EPCIP: variants seen among roughly 807,000 people sequenced by gnomAD.
The protein encoded by EPCIP is exosomal polycystin-1-interacting protein.
chr21:32,793,944 C>T, the EPCIP span: 1 of 1,614,218 alleles, frequency 6.2e-7, no homozygotes, highest in Non-Finnish European at 8.5e-7. Flanking sequence ...GGCTGCCAGC[C>T]TTTGTGTAAC....
chr21:32,799,328 T>C, the EPCIP span, among the ~76,000 whole-genome samples: 1 of 152,162 alleles, frequency 6.6e-6, no homozygotes, highest in Admixed American at 6.5e-5. Context: ...GTGGGATATA[T>C]TCAGATTTTC....
At chr21:32,793,009 G>A in the EPCIP span, among the ~76,000 whole-genome samples, 1 of 151,728 alleles carries the variant, frequency 6.6e-6, no homozygotes, top group African/African-American at 2.4e-5. Context: ...CTGGAGTGTA[G>A]AGTGCAGTGG....
At chr21:32,809,124 T>A in the EPCIP span, among the ~76,000 whole-genome samples, 1 of 150,082 alleles carries the variant, frequency 6.7e-6, no homozygotes, top group African/African-American at 2.5e-5. Context: ...GGGAAGTGGA[T>A]CAAAACTGGG....
At chr21:32,811,036 AT>A in the EPCIP span, among the ~76,000 whole-genome samples, 2 of 152,192 alleles carry the variant, frequency 1.3e-5, no homozygotes, top group Admixed American at 1.3e-4. Context: ...GTAAGATCTA[AT>A]GAGTGTTTCT....
At chr21:32,805,206 G>A in the EPCIP span, among the ~76,000 whole-genome samples, 5 of 152,300 alleles carry the variant, frequency 3.3e-5, no homozygotes, top group South Asian at 1.0e-3. Context: ...AGCTGAAAGA[G>A]GCAAGGAACA....
chr21:32,792,923 T>A, the EPCIP span, among the ~76,000 whole-genome samples: 5 of 151,868 alleles, frequency 3.3e-5, no homozygotes, highest in East Asian at 3.9e-4. Flanking sequence ...TTATTTTTTT[T>A]TTTTTTGAGA....
chr21:32,802,196 A>G, the EPCIP span, among the ~76,000 whole-genome samples: 3 of 152,226 alleles, frequency 2.0e-5, no homozygotes, highest in African/African-American at 4.8e-5. Flanking sequence ...ACCCTCCCCA[A>G]TAGATGTATC....
chr21:32,804,722 G>A, the EPCIP span, among the ~76,000 whole-genome samples: 2 of 152,092 alleles, frequency 1.3e-5, no homozygotes, highest in African/African-American at 4.8e-5. Context: ...GATTTTTCCT[G>A]TAATTAATCC....
the EPCIP span, among the ~76,000 whole-genome samples, chr21:32,794,834 G>A: frequency 6.6e-6 from 1 of 152,234 alleles, no homozygotes; most frequent in East Asian, 1.9e-4. Context: ...GGGATTTGGA[G>A]TTGAAAGAGC....
chr21:32,800,173 G>A, the EPCIP span, among the ~76,000 whole-genome samples: 1 of 152,142 alleles, frequency 6.6e-6, no homozygotes, highest in African/African-American at 2.4e-5. Flanking sequence ...TCCTCCCACT[G>A]ACACAATATC....
At chr21:32,807,238 A>G in the EPCIP span, among the ~76,000 whole-genome samples, 1 of 151,926 alleles carries the variant, frequency 6.6e-6, no homozygotes, top group East Asian at 1.9e-4. Flanking sequence ...GGCCTGGCAC[A>G]TAGGAGCACT....
the EPCIP span, among the ~76,000 whole-genome samples, chr21:32,800,125 C>A: frequency 6.6e-6 from 1 of 152,310 alleles, no homozygotes; most frequent in Admixed American, 6.5e-5. Context: ...TTATTTATGA[C>A]ATTTCAAATC....
chr21:32,807,649 GA>G, the EPCIP span: 4 of 152,206 alleles, frequency 2.6e-5, no homozygotes, highest in African/African-American at 7.2e-5. Context: ...TACCTCCTAG[GA>G]TTGTCGAGTG....
At chr21:32,811,155 G>A in the EPCIP span, among the ~76,000 whole-genome samples, 6 of 147,832 alleles carry the variant, frequency 4.1e-5, no homozygotes, top group African/African-American at 1.5e-4. Context: ...TTTTTAGACC[G>A]AGTCTCAGTC....
the EPCIP span, among the ~76,000 whole-genome samples, chr21:32,811,558 T>C: frequency 6.6e-6 from 1 of 152,224 alleles, no homozygotes; most frequent in African/African-American, 2.4e-5. Flanking sequence ...TGAAGAGTCA[T>C]GGTGGAAATT....
the EPCIP span, among the ~76,000 whole-genome samples, chr21:32,803,595 C>T: frequency 6.6e-5 from 10 of 151,960 alleles, no homozygotes; most frequent in East Asian, 3.9e-4. Flanking sequence ...CTTTGTTCCA[C>T]GAATGCACTG....
chr21:32,803,505 C>T, the EPCIP span, among the ~76,000 whole-genome samples: 1 of 152,182 alleles, frequency 6.6e-6, no homozygotes, highest in African/African-American at 2.4e-5. Flanking sequence ...GATGCCCACA[C>T]AGGCAGTGTG....
At chr21:32,794,089 A>G in the EPCIP span, 3 of 1,614,056 alleles carry the variant, frequency 1.9e-6, no homozygotes, top group East Asian at 4.5e-5. Context: ...CAGTGGGGAG[A>G]GTGTTGGTGC....
chr21:32,805,058 G>C, the EPCIP span, among the ~76,000 whole-genome samples: 1 of 152,206 alleles, frequency 6.6e-6, no homozygotes, highest in Non-Finnish European at 1.5e-5. Flanking sequence ...AGAAACTTGA[G>C]ATAAGGAGAT....
Sources: gnomAD v4.1 joint callset for allele counts (sites outside exome capture counted in the v4.1 genomes callset) on GRCh38, gnomAD v4.1.1 for gene constraint, MANE v1.5 for transcripts, NCBI Gene and HGNC (gene_info 2026-07-23, HGNC 2026-07-21) for gene names.